The following BST1 variants were observed in gnomAD, a reference collection of about 807,000 sequenced individuals.
BST1 encodes the protein ADP-ribosyl cyclase/cyclic ADP-ribose hydrolase 2.
Under a neutral mutation model 40.6 loss-of-function variants are expected in BST1, and 49 were observed. The ratio of observed to expected loss-of-function variants is 1.21; its 90% CI spans 0.96 to 1.53. BST1 has a LOEUF of 1.53. BST1 is among the 40% of genes most tolerant of loss of function. The pLI is 0.00. For missense variants in BST1, 423 were observed against 395.9 expected, an observed-to-expected ratio of 1.07 and a Z score of -0.58; for synonymous variants, 157 against 159.3, an observed-to-expected ratio of 0.99 and a Z score of 0.11.
chr4:15,738,370 G>A (rs938372931), downstream of BST1: 1 of 152,726 alleles, frequency 6.5e-6, no homozygotes, highest in Non-Finnish European at 1.5e-5. Flanking sequence ...ACGTCTATAA[G>A]TCATTCTTTG....
chr4:15,749,155 A>G, the BST1 span, among the ~76,000 whole-genome samples: 3 of 152,186 alleles, frequency 2.0e-5, no homozygotes, highest in Admixed American at 2.0e-4. Context: ...GGGCACTCCC[A>G]GGAAGGATAT....
At chr4:15,744,752 G>A in the BST1 span, among the ~76,000 whole-genome samples, 1 of 152,148 alleles carries the variant, frequency 6.6e-6, no homozygotes, top group East Asian at 1.9e-4. Flanking sequence ...CAATTTTCAT[G>A]AATTTTGTTG....
At chr4:15,752,795 C>G in the BST1 span, among the ~76,000 whole-genome samples, 1 of 152,102 alleles carries the variant, frequency 6.6e-6, no homozygotes, top group Non-Finnish European at 1.5e-5. Flanking sequence ...TAGGCCAGAT[C>G]AGGTCAGGCC....
Position 15,703,257 on chromosome 4 carries a change from G to A in BST1, c.113G>A (p.Gly38Asp). 1 of 1,540,962 alleles carries A rather than the reference G, an allele frequency of 6.5e-7. No individual in the cohort carries two copies. The highest frequency in any genetic ancestry group is 1.2e-5 in the South Asian group (1 of 84,206). The change falls in exon 1 of 9, where the codon GGC becomes GAC. Residue 38 changes from glycine to aspartate, a missense_variant. Coordinates refer to ENST00000265016, the MANE Select transcript of BST1 (RefSeq NM_004334.3). ...GCGCGCGCGCGGTGGCGCGGGGAGG[G>A]CACCAGCGCACACTTGCGGGACATC... The part of the protein sequence containing the change: ...GGARARWRGE[G>D]TSAHLRDIFL...
Position 15,727,263 on chromosome 4 carries a change from G to A in BST1, c.851+4329G>A, listed in dbSNP as rs563840930. Among the ~76,000 whole-genome samples, 7 of 152,298 alleles carry A rather than the reference G, an allele frequency of 4.6e-5. No homozygotes were observed. The South Asian group carries it at 1.5e-3, about 32-fold the overall frequency. ...GTCTCTGGGTCTCACACCACAGCAG[G>A]TAAGTAAGGGGTTTGCAGTTCCTGA... is the stretch of plus-strand genomic sequence containing the variant. On this transcript the variant is annotated intron_variant, in intron 8 of 8. Transcript: ENST00000265016.
chr4:15,723,265 G>T (rs912708928), intron 8 of BST1, among the ~76,000 whole-genome samples: 8 of 152,064 alleles, frequency 5.3e-5, no homozygotes, highest in Non-Finnish European at 1.0e-4. Context: ...TGGGAGGCGG[G>T]GGGCAGAGTC....
At position 15,715,761 on chromosome 4, in the gene BST1, C is replaced by T. The variant is rs190346997; in HGVS notation, c.666C>T (p.Ile222=). 4 of 1,598,466 alleles carry T rather than the reference C, an allele frequency of 2.5e-6. No homozygotes were observed. Among genetic ancestry groups the T allele is most frequent in the East Asian group, 2.3e-5 (1 of 44,422 alleles). ...PNLQKEKITR[I]EIWVMHEIGG... ...TCCAGAAGGAAAAAATTACACGAATCGAGATCTGGGTTATGCATGAAATTG... is the reference window on the plus strand; with the variant it reads ...TCCAGAAGGAAAAAATTACACGAATTGAGATCTGGGTTATGCATGAAATTG... Residue 222 remains isoleucine, a synonymous_variant, in exon 6 of 9, where the codon ATC becomes ATT. Transcript: ENST00000265016.
chr4:15,735,449 G>A (rs1230857824), downstream of BST1, among the ~76,000 whole-genome samples: 6 of 152,080 alleles, frequency 3.9e-5, no homozygotes. Context: ...TTCTTTTGTT[G>A]GAGGAGGCCA....
At chr4:15,747,513 C>T in the BST1 span, among the ~76,000 whole-genome samples, 1 of 152,302 alleles carries the variant, frequency 6.6e-6, no homozygotes, top group East Asian at 1.9e-4. Context: ...ACCCCCATCA[C>T]CATCACATTC....
chr4:15,734,596 A>T (rs1721493868), downstream of BST1, among the ~76,000 whole-genome samples: 1 of 152,102 alleles, frequency 6.6e-6, no homozygotes, highest in Non-Finnish European at 1.5e-5. Flanking sequence ...GGGGAGGGGT[A>T]AGGAAGAGAA....
chr4:15,731,012 G>T, intron 8 of BST1: 1 of 603,324 alleles, frequency 1.7e-6, no homozygotes, highest in South Asian at 1.7e-5. Context: ...TATAAGGCCC[G>T]GACATTCTGC....
intron 2 of BST1, among the ~76,000 whole-genome samples, chr4:15,705,847 T>C (rs974597007): frequency 2.6e-5 from 4 of 152,216 alleles, no homozygotes; most frequent in African/African-American, 9.6e-5. Flanking sequence ...TATAAAGAAA[T>C]GCCTGAGACT....
intron 7 of BST1, among the ~76,000 whole-genome samples, chr4:15,719,242 C>T (rs1398775306): frequency 6.6e-6 from 1 of 152,100 alleles, no homozygotes. Context: ...TTCTCATTTG[C>T]TCATGCCCAG....
chr4:15,716,629 A>G (rs768099443), intron 6 of BST1, among the ~76,000 whole-genome samples: 40 of 152,298 alleles, frequency 2.6e-4, no homozygotes, highest in Non-Finnish European at 4.9e-4. Context: ...TAGGCAATAG[A>G]TTGTGATAAA....
In BST1 at chr4:15,722,922, G is replaced by C; in HGVS notation, c.839G>C (p.Cys280Ser). ...QCVDHSTHPD[C>S]ALKSAAAATQ... ...GTGGACCACAGCACCCATCCTGACT[G>C]TGCCTTAAAGTCGTAAGTAAATGTC... The change falls in exon 8 of 9, where the codon TGT (cysteine) becomes TCT (serine). Residue 280 changes from cysteine to serine, a missense_variant. Coordinates refer to ENST00000265016, the MANE Select transcript of BST1 (RefSeq NM_004334.3). The C allele has an allele frequency of 6.2e-7, 1 of 1,613,620 alleles. No individual in the cohort carries two copies. Among genetic ancestry groups the C allele is most frequent in the Non-Finnish European group, 8.5e-7 (1 of 1,179,654 alleles).
At position 15,726,311 on chromosome 4, in the gene BST1, G is replaced by A. The variant is rs190178637; in HGVS notation, c.851+3377G>A. 1.5e-4 allele frequency among the ~76,000 whole-genome samples: 22 copies of A among 151,638 alleles called. No homozygotes were observed. In the South Asian group the frequency reaches 3.3e-3, roughly 23 times the overall value. ...GGACCTAAAACAGAACTTGCAACTC[G>A]GTAGACACTTAGGAATGAATGAATG... On this transcript the variant is annotated intron_variant, in intron 8 of 8. Coordinates refer to ENST00000265016, the MANE Select transcript of BST1 (RefSeq NM_004334.3).
chr4:15,733,311 G>A (rs994637900), downstream of BST1, among the ~76,000 whole-genome samples: 2 of 150,332 alleles, frequency 1.3e-5, no homozygotes, highest in African/African-American at 4.9e-5. Flanking sequence ...AGTGCTGACT[G>A]GTGTGTTTTT....
chr4:15,768,404 T>C, the BST1 span, among the ~76,000 whole-genome samples: 1 of 152,322 alleles, frequency 6.6e-6, no homozygotes. Flanking sequence ...AGAAGAGAGT[T>C]TGAAAGTTGT....
At chr4:15,726,549 G>A (rs893978454) in intron 8 of BST1, among the ~76,000 whole-genome samples, 2 of 152,194 alleles carry the variant, frequency 1.3e-5, no homozygotes, top group African/African-American at 4.8e-5. Context: ...ATGTGGAAAA[G>A]GGGGAATAAA....
Sources: allele counts gnomAD v4.1 joint callset (sites outside exome capture counted in the v4.1 genomes callset), GRCh38; gene constraint gnomAD v4.1.1; transcripts MANE v1.5; gene names NCBI Gene and HGNC (gene_info 2026-07-23, HGNC 2026-07-21).